Variants in UVRAG observed in about 807,000 individuals in gnomAD.
UVRAG encodes the protein UV radiation resistance-associated gene protein.
In UVRAG, 19 loss-of-function variants were observed where a neutral mutation model predicts 78.0. The observed-to-expected ratio is 0.24, with a 90% CI of 0.17 to 0.36. The LOEUF (loss-of-function observed/expected upper bound fraction) is 0.36. UVRAG is among the 10% of genes least tolerant of loss of function. The probability of loss-of-function intolerance (pLI) is 1.00; values close to 1 mark genes in which losing one functional copy is unlikely to be tolerated. For synonymous variants in UVRAG, 323 were observed against 324.6 expected (o/e 1.00, Z 0.05); for missense variants, 740 against 853.8 (o/e 0.87, Z 1.66).
chr11:75,831,503 C>CA lies in UVRAG; in HGVS notation c.117+15991dup, dbSNP rs376448104. Among the ~76,000 whole-genome samples the CA allele has an allele frequency of 2.4e-3, 316 of 130,394 alleles. 1 individual carries two copies. Among genetic ancestry groups the CA allele is most frequent in the East Asian group, 5.4e-3 (25 of 4,632 alleles). The allele number at this position is 130,394 out of a possible 152,430, so 85.5% of individuals were successfully genotyped here. On this transcript the variant is annotated intron_variant, in intron 1 of 14. Coordinates refer to ENST00000356136, the MANE Select transcript of UVRAG (RefSeq NM_003369.4). Reference sequence around the variant, plus strand: ...AACTCCTTCTCAAAAAACAAACAAACAAAAAAAAAAAACAAAACTAGTGGG... The same window carrying CA: ...AACTCCTTCTCAAAAAACAAACAAACAAAAAAAAAAAAACAAAACTAGTGGG...
intron 1 of UVRAG, among the ~76,000 whole-genome samples, chr11:75,818,010 A>G (rs1386496501): frequency 1.3e-5 from 2 of 152,074 alleles, no homozygotes; most frequent in Non-Finnish European, 2.9e-5. Context: ...CAGTAAGCCG[A>G]GATTGCGCCA....
chr11:75,882,903 A>AT (rs1470218674), intron 4 of UVRAG, among the ~76,000 whole-genome samples: 1 of 152,152 alleles, frequency 6.6e-6, no homozygotes, highest in Admixed American at 6.5e-5. Flanking sequence ...AAAAATCTTA[A>AT]TTTTTTTCTC....
intron 7 of UVRAG, among the ~76,000 whole-genome samples, chr11:75,966,721 G>A (rs1949031452): frequency 6.6e-6 from 1 of 152,112 alleles, no homozygotes. Flanking sequence ...TCTGGATTTT[G>A]TTACTTTGTT....
At chr11:76,043,223 GTTCTT>G (rs1425802769) in intron 12 of UVRAG, among the ~76,000 whole-genome samples, 1 of 152,004 alleles carries the variant, frequency 6.6e-6, no homozygotes, top group Non-Finnish European at 1.5e-5. Context: ...TATTTAAACT[GTTCTT>G]TAATTTTTTT....
At chr11:76,037,080 A>G (rs1486373653) in intron 12 of UVRAG, among the ~76,000 whole-genome samples, 1 of 152,228 alleles carries the variant, frequency 6.6e-6, no homozygotes, top group Non-Finnish European at 1.5e-5. Flanking sequence ...CACTGAAGCC[A>G]GCTTTTTCCT....
intron 12 of UVRAG, among the ~76,000 whole-genome samples, chr11:76,031,389 TGAGA>T (rs1328706707): frequency 2.0e-5 from 3 of 152,184 alleles, no homozygotes; most frequent in Non-Finnish European, 2.9e-5. Context: ...GGCATTCCGC[TGAGA>T]GAGGAGAAAT....
chr11:76,067,972 A>G (rs752450680), intron 13 of UVRAG, among the ~76,000 whole-genome samples: 1 of 152,018 alleles, frequency 6.6e-6, no homozygotes, highest in Non-Finnish European at 1.5e-5. Context: ...AGGCACTTAG[A>G]TCCTAAGGTC....
intron 3 of UVRAG, among the ~76,000 whole-genome samples, chr11:75,868,734 C>G (rs1333625059): frequency 6.6e-6 from 1 of 152,162 alleles, no homozygotes; most frequent in Non-Finnish European, 1.5e-5. Flanking sequence ...TGACTAAATT[C>G]TCTGAAGTTG....
chr11:75,944,752 G>A (rs568609480), intron 6 of UVRAG, among the ~76,000 whole-genome samples: 1 of 152,182 alleles, frequency 6.6e-6, no homozygotes, highest in African/African-American at 2.4e-5. Flanking sequence ...TAAGATCTCT[G>A]GGGACTGGAA....
intron 6 of UVRAG, among the ~76,000 whole-genome samples, chr11:75,912,864 T>G (rs1370522012): frequency 6.6e-6 from 1 of 152,270 alleles, no homozygotes; most frequent in Non-Finnish European, 1.5e-5. Context: ...GAAACTTGAA[T>G]CTTATTACAC....
chr11:76,135,993 G>A (rs999721064), intron 14 of UVRAG, among the ~76,000 whole-genome samples: 1 of 152,156 alleles, frequency 6.6e-6, no homozygotes, highest in African/African-American at 2.4e-5. Context: ...ATTGTCAACA[G>A]CCTTTAAAAA....
chr11:76,138,550 G>A (rs1162152660), intron 14 of UVRAG, among the ~76,000 whole-genome samples: 1 of 152,190 alleles, frequency 6.6e-6, no homozygotes, highest in African/African-American at 2.4e-5. Context: ...CCTCTTGTGC[G>A]GCAAGCACTG....
intron 7 of UVRAG, among the ~76,000 whole-genome samples, chr11:75,980,570 T>C (rs73493976): frequency 0.011 from 1,712 of 152,324 alleles, 32 homozygotes; most frequent in African/African-American, 0.039. Context: ...TAGAGTTGTT[T>C]ATAGTGTTTT....
intron 6 of UVRAG, among the ~76,000 whole-genome samples, chr11:75,958,536 T>C (rs1020062104): frequency 6.6e-6 from 1 of 152,190 alleles, no homozygotes; most frequent in African/African-American, 2.4e-5. Context: ...ATCTTCAGGC[T>C]CCTCTTATAA....
intron 8 of UVRAG, among the ~76,000 whole-genome samples, chr11:75,996,370 C>G (rs999696420): frequency 6.6e-6 from 1 of 152,066 alleles, no homozygotes; most frequent in Non-Finnish European, 1.5e-5. Flanking sequence ...TTTGTCAATT[C>G]ATTTATTCAT....
chr11:75,975,743 T>C (rs1286656915), intron 7 of UVRAG, among the ~76,000 whole-genome samples: 1 of 152,232 alleles, frequency 6.6e-6, no homozygotes, highest in African/African-American at 2.4e-5. Context: ...CTGCAGTTGC[T>C]TATCAGCTTA....
At chr11:75,969,004 G>T (rs1472894728) in intron 7 of UVRAG, among the ~76,000 whole-genome samples, 1 of 151,992 alleles carries the variant, frequency 6.6e-6, no homozygotes, top group Non-Finnish European at 1.5e-5. Context: ...ATACATATAA[G>T]ATTTATGATC....
rs149974977 is a variant in UVRAG, at chr11:76,053,918, C to T, written c.1227-11792C>T. 7.4e-3 allele frequency among the ~76,000 whole-genome samples: 1,072 copies of T among 144,924 alleles called. 13 individuals carry two copies. Among genetic ancestry groups the T allele is most frequent in the African/African-American group, 0.026 (1,015 of 39,084 alleles). ...CTGGGAAGCGGAGGTTGCAGTGAGC[C>T]GAGATTGCGCCACTGCACTCCAGCC... is the stretch of plus-strand genomic sequence containing the variant. On this transcript the variant is annotated intron_variant, in intron 12 of 14. Transcript: ENST00000356136.
At chr11:75,953,811 A>C (rs1236705167) in intron 6 of UVRAG, among the ~76,000 whole-genome samples, 1 of 152,160 alleles carries the variant, frequency 6.6e-6, no homozygotes, top group Non-Finnish European at 1.5e-5. Flanking sequence ...TATCACCAGA[A>C]TACCTATCGG....
Sources: gnomAD v4.1 joint callset for allele counts (sites outside exome capture counted in the v4.1 genomes callset) on GRCh38, gnomAD v4.1.1 for gene constraint, MANE v1.5 for transcripts, NCBI Gene and HGNC (gene_info 2026-07-23, HGNC 2026-07-21) for gene names.